Variants in RBFOX3 observed in about 807,000 individuals in gnomAD.
RBFOX3 encodes RNA binding protein fox-1 homolog 3.
In RBFOX3, 17 loss-of-function variants were observed where a neutral mutation model predicts 48.7. That is an observed-to-expected ratio of 0.35 (90% confidence interval 0.24 to 0.52). RBFOX3 has a LOEUF of 0.52. Ranked by LOEUF, RBFOX3 falls within the 20% of genes least tolerant of loss-of-function variation. The pLI is 0.94. For missense variants in RBFOX3, 382 were observed against 497.5 expected, an observed-to-expected ratio of 0.77 and a Z score of 2.21; for synonymous variants, 212 against 209.5, an observed-to-expected ratio of 1.01 and a Z score of -0.10.
intron 2 of RBFOX3, among the ~76,000 whole-genome samples, chr17:79,414,139 G>A (rs1003668905): frequency 6.6e-6 from 1 of 152,050 alleles, no homozygotes; most frequent in African/African-American, 2.4e-5. Flanking sequence ...AGGTTCTCAA[G>A]GGCCCTCCTG....
chr17:79,345,156 C>T (rs1386612417), intron 2 of RBFOX3, among the ~76,000 whole-genome samples: 3 of 152,230 alleles, frequency 2.0e-5, no homozygotes, highest in Non-Finnish European at 2.9e-5. Flanking sequence ...TCTTCAACAG[C>T]AGTGTTCCTG....
Position 79,363,368 on chromosome 17 carries a change from C to T in RBFOX3, c.-174-55544G>A, listed in dbSNP as rs777636064. ...GGAGAGGAACAGGATTCCTGGGATA[C>T]CCAGGAAGTCTGTGGGCTGTTCCCT... is the stretch of plus-strand genomic sequence containing the variant. On this transcript the variant is annotated intron_variant, in intron 2 of 14. Transcript: ENST00000693108. The surrounding 1 kb of genome is among the most constrained non-coding windows in gnomAD (Gnocchi z 4.7). Among the ~76,000 whole-genome samples, 11 of 152,082 alleles carry T rather than the reference C, an allele frequency of 7.2e-5. No individual in the cohort carries two copies. Among genetic ancestry groups the T allele is most frequent in the Non-Finnish European group, 1.5e-4 (10 of 67,988 alleles).
At chr17:79,626,737 G>A in the RBFOX3 span, among the ~76,000 whole-genome samples, 20 of 152,340 alleles carry the variant, frequency 1.3e-4, no homozygotes, top group East Asian at 1.9e-4. Context: ...TTTGCAATGC[G>A]GTGAATTGTG....
the RBFOX3 span, among the ~76,000 whole-genome samples, chr17:79,634,973 T>TTGCTTGAACCCAGGAGGCAACCTC: frequency 1.4e-5 from 2 of 144,724 alleles, no homozygotes; most frequent in Admixed American, 1.5e-4. Context: ...GGCAGGAGAA[T>TTGCTTGAACCCAGGAGGCAACCTC]TGCTTGAACC....
At chr17:79,173,711 T>C (rs989226290) in intron 4 of RBFOX3, among the ~76,000 whole-genome samples, 8 of 151,984 alleles carry the variant, frequency 5.3e-5, no homozygotes, top group African/African-American at 1.9e-4. Flanking sequence ...AGGAAAATGG[T>C]GAGCTGGAGC....
rs2088516012 is a variant in RBFOX3, at chr17:79,535,231, C to T, written c.-319-52633G>A. Reference sequence around the variant, plus strand: ...TGGGCTAGAAGCAGCAGCTCCACGGCAACATCCCAAGGCCCCTCTCCAAGG... The same window carrying T: ...TGGGCTAGAAGCAGCAGCTCCACGGTAACATCCCAAGGCCCCTCTCCAAGG... On this transcript the variant is annotated intron_variant, in intron 1 of 14. Coordinates refer to ENST00000693108, the MANE Select transcript of RBFOX3 (RefSeq NM_001350451.2). The surrounding 1 kb of genome is among the most constrained non-coding windows in gnomAD (Gnocchi z 4.5). 6.6e-6 allele frequency among the ~76,000 whole-genome samples: 1 copy of T among 152,178 alleles called. No individual in the cohort carries two copies. Among genetic ancestry groups the T allele is most frequent in the South Asian group, 2.1e-4 (1 of 4,824 alleles).
chr17:79,388,200 C>G (rs1807610651), intron 2 of RBFOX3, among the ~76,000 whole-genome samples: 1 of 152,172 alleles, frequency 6.6e-6, no homozygotes, highest in South Asian at 2.1e-4. Flanking sequence ...TGGGCCATAA[C>G]TACGCAGCCC....
chr17:79,188,401 GTTTATTTA>G (rs948366113), intron 4 of RBFOX3, among the ~76,000 whole-genome samples: 2 of 152,252 alleles, frequency 1.3e-5, no homozygotes, highest in Non-Finnish European at 2.9e-5. Flanking sequence ...TGCAAAGGAA[GTTTATTTA>G]TCTGTTTAAT....
At chr17:79,508,588 T>G (rs1182414214) in intron 1 of RBFOX3, among the ~76,000 whole-genome samples, 2 of 152,166 alleles carry the variant, frequency 1.3e-5, no homozygotes, top group Admixed American at 6.5e-5. Context: ...CATCTGGGGT[T>G]GGGGTGGGCG....
chr17:79,619,458 G>C, the RBFOX3 span, among the ~76,000 whole-genome samples: 1 of 152,176 alleles, frequency 6.6e-6, no homozygotes, highest in Non-Finnish European at 1.5e-5. Context: ...GCTTGTGGCT[G>C]CGTCTCTCTG....
intron 2 of RBFOX3, among the ~76,000 whole-genome samples, chr17:79,413,857 C>T (rs1325838650): frequency 6.6e-6 from 1 of 152,210 alleles, no homozygotes; most frequent in Non-Finnish European, 1.5e-5. Flanking sequence ...TGCACCTCAG[C>T]TGGGGCCTGG....
intron 3 of RBFOX3, among the ~76,000 whole-genome samples, chr17:79,274,876 C>T (rs972614240): frequency 4.6e-5 from 7 of 152,054 alleles, no homozygotes. Context: ...CAAAACCAAC[C>T]CCAAATCCCC....
rs1236894508 is a variant in RBFOX3 at position 79,390,187 on chromosome 17, C to A, written c.-174-82363G>T. On this transcript the variant is annotated intron_variant, in intron 2 of 14. Coordinates refer to ENST00000693108, the MANE Select transcript of RBFOX3 (RefSeq NM_001350451.2). This position sits in a 1 kb window ranked among gnomAD's most constrained non-coding sequence, Gnocchi z 4.2. Reference sequence around the variant, plus strand: ...GCAAGTCCACAGAGTTCTGAGGTGTCCAACCTCCGGGACGCTGCACTGACT... The same window carrying A: ...GCAAGTCCACAGAGTTCTGAGGTGTACAACCTCCGGGACGCTGCACTGACT... Among the ~76,000 whole-genome samples, 2 of 152,242 alleles carry A rather than the reference C, an allele frequency of 1.3e-5. No homozygotes were observed. The highest frequency in any genetic ancestry group is 1.9e-4 in the East Asian group (1 of 5,198).
At chr17:79,608,625 G>A (rs2093893097) in intron 1 of RBFOX3, among the ~76,000 whole-genome samples, 1 of 152,132 alleles carries the variant, frequency 6.6e-6, no homozygotes, top group African/African-American at 2.4e-5. Context: ...GCTTGGGTGC[G>A]TCCCTTCAAC....
chr17:79,499,445 C>A (rs1194872103), intron 1 of RBFOX3, among the ~76,000 whole-genome samples: 1 of 152,186 alleles, frequency 6.6e-6, no homozygotes, highest in Non-Finnish European at 1.5e-5. Flanking sequence ...ATTCATCCAT[C>A]CATCCATCTA....
rs541410223 is a variant in RBFOX3 at position 79,363,084 on chromosome 17, C to A, written c.-174-55260G>T. ...TTCAGAGGCATGACGCTTGCACATG[C>A]GAGGTTTCTGGGCCATAGTGAGCCG... On this transcript the variant is annotated intron_variant, in intron 2 of 14. Transcript: ENST00000693108. This position sits in a 1 kb window ranked among gnomAD's most constrained non-coding sequence, Gnocchi z 4.7. Among the ~76,000 whole-genome samples the A allele has an allele frequency of 6.6e-6, 1 of 152,158 alleles. No individual in the cohort carries two copies. The highest frequency in any genetic ancestry group is 1.5e-5 in the Non-Finnish European group (1 of 68,040).
In RBFOX3 at chr17:79,111,396, T is replaced by G. The variant is rs1489479716; in HGVS notation, c.222+4098A>C. ...CCTCTACCTGGCTGGCCCTCCACAG[T>G]GACCCTCCGTGCTTTGTCTGGCATT... is the stretch of plus-strand genomic sequence containing the variant. On this transcript the variant is annotated intron_variant, in intron 5 of 14. Coordinates refer to ENST00000693108, the MANE Select transcript of RBFOX3 (RefSeq NM_001350451.2). The surrounding 1 kb of genome is among the most constrained non-coding windows in gnomAD (Gnocchi z 4.2). Among the ~76,000 whole-genome samples the G allele has an allele frequency of 1.3e-5, 2 of 152,132 alleles. No individual in the cohort carries two copies. Among genetic ancestry groups the G allele is most frequent in the Non-Finnish European group, 2.9e-5 (2 of 68,012 alleles).
At chr17:79,596,728 C>T (rs2093579658) in intron 1 of RBFOX3, among the ~76,000 whole-genome samples, 2 of 152,190 alleles carry the variant, frequency 1.3e-5, no homozygotes, top group South Asian at 4.1e-4. Context: ...TGCAGACGCC[C>T]ATCAGGATCT....
intron 4 of RBFOX3, among the ~76,000 whole-genome samples, chr17:79,131,268 C>CTCCATGTGCCCTCCGTGTGTAT: frequency 6.6e-6 from 1 of 152,100 alleles, no homozygotes; most frequent in Non-Finnish European, 1.5e-5. Context: ...TCCGCTCAGT[C>CTCCATGTGCCCTCCGTGTGTAT]TCCATGTGCC....
Sources: gnomAD v4.1 joint callset for allele counts (sites outside exome capture counted in the v4.1 genomes callset) on GRCh38, gnomAD v4.1.1 for gene constraint, Gnocchi (gnomAD v3.1) non-coding constraint, MANE v1.5 for transcripts, NCBI Gene and HGNC (gene_info 2026-07-23, HGNC 2026-07-21) for gene names.